Variants in ANKS1B observed in about 807,000 individuals in gnomAD.
The protein encoded by ANKS1B is ankyrin repeat and sterile alpha motif domain containing 1B.
In ANKS1B, 36 loss-of-function variants were observed where a neutral mutation model predicts 148.3. The ratio of observed to expected loss-of-function variants is 0.24; its 90% CI spans 0.19 to 0.32. ANKS1B has a LOEUF of 0.32. Among genes scored for constraint, ANKS1B ranks in the 10% least tolerant of loss-of-function variants. ANKS1B has a pLI of 1.00. For missense variants in ANKS1B, 1,157 were observed against 1,542.6 expected (o/e 0.75, Z 4.19); for synonymous variants, 542 against 560.8 (o/e 0.97, Z 0.47).
intron 17 of ANKS1B, among the ~76,000 whole-genome samples, chr12:99,021,389 G>C (rs1038376133): frequency 2.6e-5 from 4 of 152,062 alleles, no homozygotes; most frequent in African/African-American, 7.2e-5. Flanking sequence ...CAGAATAACA[G>C]GAATTTGAAT....
At position 99,817,269 on chromosome 12, in the gene ANKS1B, T is replaced by C. The variant is rs913443261; in HGVS notation, c.216-4958A>G. 2.9e-4 allele frequency among the ~76,000 whole-genome samples: 44 copies of C among 151,730 alleles called. 1 individual carries two copies. The highest frequency in any genetic ancestry group is 2.7e-3 in the Admixed American group (41 of 15,194). On this transcript the variant is annotated intron_variant, in intron 2 of 26. Transcript: ENST00000683438. Reference sequence around the variant, plus strand: ...CATATGAGTGAGAGCATGTGATGTCTGTCTTCCTGTGCCTGGCTCATTTCA... The same window carrying C: ...CATATGAGTGAGAGCATGTGATGTCCGTCTTCCTGTGCCTGGCTCATTTCA...
At chr12:99,495,841 A>G (rs184978721) in intron 10 of ANKS1B, among the ~76,000 whole-genome samples, 1 of 152,344 alleles carries the variant, frequency 6.6e-6, no homozygotes, top group Admixed American at 6.5e-5. Context: ...TGGCAATAGA[A>G]TTAAGGAAGT....
intron 9 of ANKS1B, among the ~76,000 whole-genome samples, chr12:99,548,329 A>G (rs2097188894): frequency 6.6e-6 from 1 of 151,894 alleles, no homozygotes; most frequent in Admixed American, 6.6e-5. Flanking sequence ...CTCTCTACCA[A>G]ATGGCCCTTT....
At chr12:99,631,796 A>C (rs1199211086) in intron 9 of ANKS1B, among the ~76,000 whole-genome samples, 1 of 152,206 alleles carries the variant, frequency 6.6e-6, no homozygotes, top group East Asian at 1.9e-4. Flanking sequence ...AACTTAAAGA[A>C]AGAATTTATA....
At chr12:99,725,540 C>T (rs1182191147) in intron 8 of ANKS1B, among the ~76,000 whole-genome samples, 3 of 152,070 alleles carry the variant, frequency 2.0e-5, no homozygotes, top group African/African-American at 7.2e-5. Context: ...CTTAGACTCC[C>T]ACACAATAAT....
At chr12:99,738,458 T>C (rs2059809078) in intron 8 of ANKS1B, among the ~76,000 whole-genome samples, 1 of 152,160 alleles carries the variant, frequency 6.6e-6, no homozygotes, top group Non-Finnish European at 1.5e-5. Context: ...CTCCCTCTTT[T>C]TATTGTAGTA....
intron 25 of ANKS1B, among the ~76,000 whole-genome samples, chr12:98,757,928 A>ATGTGTGCACGTGTGTGTGTGTGTG (rs1555258889): frequency 2.0e-3 from 215 of 107,232 alleles, no homozygotes; most frequent in African/African-American, 6.8e-3. Flanking sequence ...ATGTGTGTGC[A>ATGTGTGCACGTGTGTGTGTGTGTG]TGTGTGCACG....
At chr12:99,655,236 ATATAT>A (rs1567575514) in intron 8 of ANKS1B, 26 bp from the exon 9 acceptor site, 5 of 1,519,306 alleles carry the variant, frequency 3.3e-6, no homozygotes, top group Admixed American at 1.9e-5. Flanking sequence ...TATCATACCA[ATATAT>A]TATATCAATG....
chr12:99,698,044 C>A (rs886314995), intron 8 of ANKS1B, among the ~76,000 whole-genome samples: 5 of 151,838 alleles, frequency 3.3e-5, no homozygotes, highest in African/African-American at 1.2e-4. Flanking sequence ...GTAGAAAGAG[C>A]AGAAGGTATA....
At chr12:99,240,724 G>C (rs1267890160) in intron 14 of ANKS1B, among the ~76,000 whole-genome samples, 2 of 152,146 alleles carry the variant, frequency 1.3e-5, no homozygotes, top group Non-Finnish European at 2.9e-5. Flanking sequence ...AATCAAATTA[G>C]AACTCAGGAT....
chr12:99,713,459 T>C (rs1168054636), intron 8 of ANKS1B, among the ~76,000 whole-genome samples: 1 of 152,116 alleles, frequency 6.6e-6, no homozygotes, highest in Admixed American at 6.5e-5. Context: ...CATTTTACTA[T>C]AAGAAACAAG....
chr12:99,059,230 A>C lies in ANKS1B; in HGVS notation c.2626-5921T>G, dbSNP rs116851276. Among the ~76,000 whole-genome samples the C allele has an allele frequency of 4.0e-3, 609 of 152,302 alleles. 24 individuals carry two copies. In the East Asian group the frequency reaches 0.084, roughly 21 times the overall value. On this transcript the variant is annotated intron_variant, in intron 16 of 26. Coordinates refer to ENST00000683438, the MANE Select transcript of ANKS1B (RefSeq NM_001352186.2). ...AGTGAGTATCTGTCTTCTTCATTGG[A>C]CTGCCTACCCCTTGGTGAAGAAATG... is the stretch of plus-strand genomic sequence containing the variant.
chr12:99,447,470 A>G (rs1262195443), intron 10 of ANKS1B, among the ~76,000 whole-genome samples: 1 of 152,058 alleles, frequency 6.6e-6, no homozygotes, highest in Admixed American at 6.6e-5. Flanking sequence ...TAATTAATTA[A>G]AGACTTAAGT....
intron 26 of ANKS1B, among the ~76,000 whole-genome samples, chr12:98,748,914 C>T (rs547917173): frequency 6.6e-6 from 1 of 152,260 alleles, no homozygotes; most frequent in Admixed American, 6.5e-5. Flanking sequence ...ATACAATAGT[C>T]TAAGAGATAA....
At chr12:99,926,394 A>T (rs1023411658) in intron 1 of ANKS1B, among the ~76,000 whole-genome samples, 4 of 152,244 alleles carry the variant, frequency 2.6e-5, no homozygotes, top group Non-Finnish European at 5.9e-5. Flanking sequence ...GGTAAGCCTC[A>T]TCCAATTAGT....
chr12:99,061,551 T>TA (rs1170783024), intron 16 of ANKS1B, among the ~76,000 whole-genome samples: 2 of 152,304 alleles, frequency 1.3e-5, no homozygotes, highest in East Asian at 3.9e-4. Context: ...GAACAACAAA[T>TA]AGAAGGTCCT....
At chr12:99,303,632 T>C (rs2081971894) in intron 12 of ANKS1B, among the ~76,000 whole-genome samples, 1 of 152,182 alleles carries the variant, frequency 6.6e-6, no homozygotes, top group Non-Finnish European at 1.5e-5. Flanking sequence ...TATCTTATTT[T>C]ATTTTTACGT....
chr12:98,743,605 T>C (rs1208519101), downstream of ANKS1B, among the ~76,000 whole-genome samples: 1 of 152,140 alleles, frequency 6.6e-6, no homozygotes, highest in Non-Finnish European at 1.5e-5. Flanking sequence ...CTGCTGTGTG[T>C]ATAGAAAAAA....
At chr12:99,798,955 A>G (rs911633643) in intron 4 of ANKS1B, among the ~76,000 whole-genome samples, 5 of 152,002 alleles carry the variant, frequency 3.3e-5, no homozygotes, top group Non-Finnish European at 7.4e-5. Context: ...CTTTCTCCAT[A>G]AACATACACA....
Sources: gnomAD v4.1 joint callset for allele counts (sites outside exome capture counted in the v4.1 genomes callset) on GRCh38, gnomAD v4.1.1 for gene constraint, MANE v1.5 for transcripts, NCBI Gene and HGNC (gene_info 2026-07-23, HGNC 2026-07-21) for gene names.